RASA3: variants seen among roughly 807,000 people sequenced by gnomAD.
The protein encoded by RASA3 is RAS p21 protein activator 3.
In RASA3, 73 loss-of-function variants were observed where a neutral mutation model predicts 110.0. That is an observed-to-expected ratio of 0.66 (90% CI 0.55 to 0.81). The LOEUF is 0.81. Ranked by LOEUF, RASA3 falls within the 30% of genes least tolerant of loss-of-function variation. RASA3 has a pLI of 0.00. For synonymous variants in RASA3, 500 were observed against 451.4 expected (o/e 1.11, Z -1.37); for missense variants, 976 against 1,113.2 (o/e 0.88, Z 1.75).
chr13:114,059,197 C>T (rs1314853949), intron 2 of RASA3, among the ~76,000 whole-genome samples: 4 of 152,200 alleles, frequency 2.6e-5, no homozygotes, highest in Non-Finnish European at 5.9e-5. Flanking sequence ...ACACCTGCAT[C>T]TCCTGCATCT....
intron 19 of RASA3, 135 bp downstream of exon 19, chr13:114,000,691 G>C (rs1164408017): frequency 7.5e-6 from 5 of 668,160 alleles, no homozygotes; most frequent in Non-Finnish European, 1.3e-5. Context: ...AGAGGGCTCT[G>C]GGTCACCGCG....
In RASA3 at chr13:114,060,681, C is replaced by T. The variant is rs61973904; in HGVS notation, c.174-8526G>A. Among the ~76,000 whole-genome samples the T allele has an allele frequency of 1.8e-3, 281 of 152,292 alleles. 1 individual carries two copies. Among genetic ancestry groups the T allele is most frequent in the Admixed American group, 4.3e-3 (66 of 15,308 alleles). On this transcript the variant is annotated intron_variant, in intron 2 of 23. Coordinates refer to ENST00000334062, the MANE Select transcript of RASA3 (RefSeq NM_007368.4). ...CCAGTGAGGCGAGAGGCGGGCAGGACGCAGCTGGAGCCGCGCACGCCCGGA... is the reference window on the plus strand; with the variant it reads ...CCAGTGAGGCGAGAGGCGGGCAGGATGCAGCTGGAGCCGCGCACGCCCGGA...
chr13:114,102,071 G>A (rs2080067439), intron 1 of RASA3, among the ~76,000 whole-genome samples: 1 of 152,206 alleles, frequency 6.6e-6, no homozygotes, highest in African/African-American at 2.4e-5. Context: ...GCCTTGAGCG[G>A]AGACCCCCAG....
chr13:114,109,407 T>TA (rs2080185318), intron 1 of RASA3, among the ~76,000 whole-genome samples: 1 of 152,096 alleles, frequency 6.6e-6, no homozygotes, highest in Non-Finnish European at 1.5e-5. Flanking sequence ...TCAAGCATCT[T>TA]AGAGCTCCAC....
At chr13:114,090,024 C>T (rs559993863) in intron 1 of RASA3, among the ~76,000 whole-genome samples, 1 of 152,196 alleles carries the variant, frequency 6.6e-6, no homozygotes, top group Admixed American at 6.5e-5. Flanking sequence ...ACGGATGGAA[C>T]GCATTCTGTG....
rs1395359296 is a variant in RASA3 at position 114,021,399 on chromosome 13, C to T, written c.785+5G>A. 6.2e-7 allele frequency: 1 copy of T among 1,613,260 alleles called. No homozygotes were observed. Among genetic ancestry groups the T allele is most frequent in the Non-Finnish European group, 8.5e-7 (1 of 1,179,490 alleles). On this transcript the variant is annotated splice_donor_5th_base_variant and intron_variant, in intron 9 of 23. Coordinates refer to ENST00000334062, the MANE Select transcript of RASA3 (RefSeq NM_007368.4). Reference sequence around the variant, plus strand: ...CGGAAGTCTGCAGGTGCAACATCATCTTACCACGCCTCGTAGGAGCTGGAC... The same window carrying T: ...CGGAAGTCTGCAGGTGCAACATCATTTTACCACGCCTCGTAGGAGCTGGAC...
At chr13:114,032,127 T>C (rs557425575) in intron 4 of RASA3, among the ~76,000 whole-genome samples, 33 of 152,262 alleles carry the variant, frequency 2.2e-4, no homozygotes, top group African/African-American at 7.2e-4. Context: ...CATCTTAACA[T>C]ATGTCCCTAA....
At chr13:114,043,838 C>CCCCCCCCCCCCCCCTCACTCGCTGAGCCG (rs2078986042) in intron 3 of RASA3, among the ~76,000 whole-genome samples, 3 of 19,930 alleles carry the variant, frequency 1.5e-4, no homozygotes, top group African/African-American at 1.3e-3. Context: ...ACTCGCTGAG[C>CCCCCCCCCCCCCCCTCACTCGCTGAGCCG]CCCCCGCCCC....
chr13:114,078,355 A>G (rs2079727492), intron 1 of RASA3, among the ~76,000 whole-genome samples: 1 of 152,268 alleles, frequency 6.6e-6, no homozygotes, highest in Admixed American at 6.5e-5. Context: ...AGACGTTCAT[A>G]TAAAAAGACA....
intron 2 of RASA3, among the ~76,000 whole-genome samples, chr13:114,066,555 G>A (rs1388021598): frequency 6.6e-6 from 1 of 152,248 alleles, no homozygotes; most frequent in African/African-American, 2.4e-5. Context: ...GGAGGCTCCT[G>A]CAGGCACAGG....
chr13:114,102,481 C>T (rs1400058095), intron 1 of RASA3, among the ~76,000 whole-genome samples: 1 of 152,142 alleles, frequency 6.6e-6, no homozygotes, highest in Non-Finnish European at 1.5e-5. Context: ...TCCCCCAGAG[C>T]CTGGTGCAGC....
intron 1 of RASA3, 90 bp from the exon 2 acceptor site, chr13:114,073,927 T>C: frequency 1.8e-6 from 2 of 1,107,170 alleles, no homozygotes; most frequent in Non-Finnish European, 2.8e-6. Context: ...TTTGCTTGTG[T>C]GCATTCACTA....
rs1427563241 is a variant in RASA3 at position 114,013,159 on chromosome 13, G to A, written c.1495C>T (p.Leu499Phe). ...TCACTCACCGTGTGGTGCGGCGTGAGCTGGAAGAGGTTGGGGGAGAGAATG... is the reference window on the plus strand; with the variant it reads ...TCACTCACCGTGTGGTGCGGCGTGAACTGGAAGAGGTTGGGGGAGAGAATG... ...PAILSPNLFQ[L>F]TPHHTDPQTS... The change falls in exon 15 of 24, where the codon CTC becomes TTC. Residue 499 changes from leucine (L) to phenylalanine (F), a missense_variant. By Grantham distance (22) the Leu-to-Phe change is conservative. Coordinates refer to ENST00000334062, the MANE Select transcript of RASA3 (RefSeq NM_007368.4). 2 of 1,613,282 alleles carry A rather than the reference G, an allele frequency of 1.2e-6. No homozygotes were observed. Among genetic ancestry groups the A allele is most frequent in the Non-Finnish European group, 1.7e-6 (2 of 1,179,700 alleles).
At chr13:114,090,181 G>C (rs544520782) in intron 1 of RASA3, among the ~76,000 whole-genome samples, 5 of 152,276 alleles carry the variant, frequency 3.3e-5, no homozygotes, top group South Asian at 2.1e-4. Flanking sequence ...GGGGCCGCAC[G>C]GCAACAGGTT....
intron 1 of RASA3, among the ~76,000 whole-genome samples, chr13:114,094,721 G>C (rs1003074286): frequency 2.0e-5 from 3 of 152,178 alleles, no homozygotes; most frequent in Admixed American, 2.0e-4. Context: ...AGCAAGAAAG[G>C]GTATAAATAA....
intron 13 of RASA3, among the ~76,000 whole-genome samples, chr13:114,015,907 C>CG (rs963968318): frequency 2.4e-4 from 36 of 151,684 alleles, no homozygotes; most frequent in Non-Finnish European, 3.2e-4. Flanking sequence ...GCAGACCCTC[C>CG]GGGGGGGCAG....
intron 2 of RASA3, among the ~76,000 whole-genome samples, chr13:114,060,841 A>G (rs2079326873): frequency 6.6e-6 from 1 of 152,218 alleles, no homozygotes; most frequent in African/African-American, 2.4e-5. Flanking sequence ...TGTGAAGAGC[A>G]GGAGGCTGGG....
intron 1 of RASA3, among the ~76,000 whole-genome samples, chr13:114,089,806 C>T (rs1277488548): frequency 2.6e-5 from 4 of 151,578 alleles, no homozygotes; most frequent in Non-Finnish European, 4.4e-5. Context: ...TGAACGAAAC[C>T]CACCCTCCTC....
chr13:114,043,261 G>A (rs1360105952), intron 3 of RASA3, among the ~76,000 whole-genome samples: 2 of 152,190 alleles, frequency 1.3e-5, no homozygotes, highest in Non-Finnish European at 2.9e-5. Flanking sequence ...GGTGGAAAGA[G>A]GCACAAAGAC....
Sources: gnomAD v4.1 joint callset for allele counts (sites outside exome capture counted in the v4.1 genomes callset) on GRCh38, gnomAD v4.1.1 for gene constraint, MANE v1.5 for transcripts, NCBI Gene and HGNC (gene_info 2026-07-23, HGNC 2026-07-21) for gene names.